Variants in ZNF362 observed in about 807,000 individuals in gnomAD.
The protein encoded by ZNF362 is rotund homolog.
In ZNF362, 11 loss-of-function variants were observed where a neutral mutation model predicts 42.9. The ratio of observed to expected loss-of-function variants is 0.26; its 90% CI spans 0.16 to 0.42. The LOEUF (loss-of-function observed/expected upper bound fraction) is 0.42. ZNF362 is among the 20% of genes least tolerant of loss of function. ZNF362 has a pLI of 1.00. For missense variants in ZNF362, 362 were observed against 576.2 expected, an observed-to-expected ratio of 0.63 and a Z score of 3.81; for synonymous variants, 255 against 257.3, an observed-to-expected ratio of 0.99 and a Z score of 0.09.
In ZNF362 at chr1:33,280,378, C is replaced by A; in HGVS notation, c.604C>A (p.Pro202Thr). The A allele has an allele frequency of 6.2e-7, 1 of 1,613,782 alleles. No individual in the cohort carries two copies. The highest frequency in any genetic ancestry group is 8.5e-7 in the Non-Finnish European group (1 of 1,179,878). Residue 202 changes from proline (P) to threonine (T), a missense_variant, in exon 5 of 9, where the codon CCG becomes ACG. By Grantham distance (38) the Pro-to-Thr change is conservative (BLOSUM62 -1). This residue lies in a region of ZNF362 where 266 missense variants were observed against 365.4 expected (regional missense o/e 0.73). Coordinates refer to ENST00000539719, the MANE Select transcript of ZNF362 (RefSeq NM_152493.3). The surrounding 1 kb of genome is among the most constrained non-coding windows in gnomAD (Gnocchi z 5.6). ...RGRKKIKAEN[P>T]GGPPVLVVPY... is the part of the protein sequence containing the mutation. ...CCGCAAAAAGATCAAGGCGGAGAAC[C>A]CGGGGGGTCCGCCTGTCCTTGTAGT...
At chr1:33,180,512 T>C in the ZNF362 span, among the ~76,000 whole-genome samples, 242 of 152,234 alleles carry the variant, frequency 1.6e-3, no homozygotes, top group African/African-American at 5.4e-3. Flanking sequence ...CTAGCCCCCG[T>C]ACTCCTCTTA....
the ZNF362 span, among the ~76,000 whole-genome samples, chr1:33,172,506 T>C: frequency 6.6e-6 from 1 of 151,710 alleles, no homozygotes; most frequent in Non-Finnish European, 1.5e-5. Flanking sequence ...AGGCCTTGAA[T>C]GTCAGCCTGG....
chr1:33,137,065 A>G, the ZNF362 span, among the ~76,000 whole-genome samples: 1 of 151,884 alleles, frequency 6.6e-6, no homozygotes, highest in African/African-American at 2.4e-5. Flanking sequence ...GTTGGCCAGG[A>G]GACACAGAGC....
rs1645987956 is a variant in ZNF362, at chr1:33,280,837, G to A, written c.683+380G>A. On this transcript the variant is annotated intron_variant, in intron 5 of 8. Coordinates refer to ENST00000539719, the MANE Select transcript of ZNF362 (RefSeq NM_152493.3). The surrounding 1 kb of genome is among the most constrained non-coding windows in gnomAD (Gnocchi z 5.6). The stretch of plus-strand genomic sequence containing the variant: ...TAATCCCAGCGCTTTGGGAGGCCAA[G>A]GCGGGTGGATCACCTGCGGTCAGGA... 1.3e-5 allele frequency among the ~76,000 whole-genome samples: 2 copies of A among 152,198 alleles called. No homozygotes were observed. Among genetic ancestry groups the A allele is most frequent in the African/African-American group, 4.8e-5 (2 of 41,450 alleles).
At chr1:33,212,206 C>A in the ZNF362 span, among the ~76,000 whole-genome samples, 14 of 152,188 alleles carry the variant, frequency 9.2e-5, no homozygotes, top group Non-Finnish European at 1.8e-4. Context: ...TGAGTCAAAG[C>A]TCCCTGAGGC....
At chr1:33,135,896 G>A in the ZNF362 span, among the ~76,000 whole-genome samples, 1 of 152,298 alleles carries the variant, frequency 6.6e-6, no homozygotes, top group East Asian at 1.9e-4. Context: ...AGGGAGTGAG[G>A]GAGTGAAGAG....
At chr1:33,251,133 A>C in the ZNF362 span, among the ~76,000 whole-genome samples, 1 of 152,210 alleles carries the variant, frequency 6.6e-6, no homozygotes, top group African/African-American at 2.4e-5. Context: ...GGGAATCTGG[A>C]GTGGAATGAG....
chr1:33,230,724 G>C, the ZNF362 span, among the ~76,000 whole-genome samples: 254 of 152,356 alleles, frequency 1.7e-3, no homozygotes, highest in Non-Finnish European at 2.9e-3. Context: ...GGAAGCTGCG[G>C]CTGGGCTGCC....
At chr1:33,129,182 C>T in the ZNF362 span, among the ~76,000 whole-genome samples, 6 of 152,186 alleles carry the variant, frequency 3.9e-5, no homozygotes, top group East Asian at 1.9e-4. The surrounding 1 kb of genome is among the most constrained non-coding windows in gnomAD (Gnocchi z 4.1). Context: ...GGGCATATTA[C>T]GAAGAAGTGA....
At chr1:33,221,136 C>T in the ZNF362 span, among the ~76,000 whole-genome samples, 7 of 152,178 alleles carry the variant, frequency 4.6e-5, no homozygotes, top group Non-Finnish European at 8.8e-5. Flanking sequence ...GGGCAAGACC[C>T]GGTGTTTCTC....
the ZNF362 span, among the ~76,000 whole-genome samples, chr1:33,128,530 G>A: frequency 6.6e-6 from 1 of 152,196 alleles, no homozygotes; most frequent in African/African-American, 2.4e-5. Flanking sequence ...AACTAGTGGA[G>A]GCAGATTGGG....
intron 1 of ZNF362, among the ~76,000 whole-genome samples, chr1:33,263,621 G>A (rs994535852): frequency 6.6e-6 from 1 of 152,144 alleles, no homozygotes; most frequent in Non-Finnish European, 1.5e-5. Context: ...ATGTTGGTCA[G>A]GCTGGTCTCA....
At chr1:33,133,295 C>A in the ZNF362 span, among the ~76,000 whole-genome samples, 2 of 152,254 alleles carry the variant, frequency 1.3e-5, no homozygotes, top group Non-Finnish European at 2.9e-5. Flanking sequence ...TCCCTGTCGC[C>A]TCAAGAGAGG....
the ZNF362 span, among the ~76,000 whole-genome samples, chr1:33,158,829 GTTT>G: frequency 6.6e-6 from 1 of 151,444 alleles, no homozygotes; most frequent in Non-Finnish European, 1.5e-5. Flanking sequence ...CAGAGCCTCA[GTTT>G]TTTTCTTTTT....
the ZNF362 span, among the ~76,000 whole-genome samples, chr1:33,168,813 G>C: frequency 6.6e-6 from 1 of 152,152 alleles, no homozygotes; most frequent in African/African-American, 2.4e-5. Flanking sequence ...TGAGGAGATG[G>C]GCCAAGTGCT....
intron 1 of ZNF362, among the ~76,000 whole-genome samples, chr1:33,261,926 T>A (rs1296731901): frequency 6.6e-6 from 1 of 152,186 alleles, no homozygotes; most frequent in Non-Finnish European, 1.5e-5. Flanking sequence ...GACAGTTACT[T>A]CTTCTCTAGT....
chr1:33,130,207 G>A, the ZNF362 span, among the ~76,000 whole-genome samples: 3 of 152,286 alleles, frequency 2.0e-5, no homozygotes, highest in Middle Eastern at 3.4e-3. Context: ...AAGAGGATGC[G>A]GTAGGCAGTC....
chr1:33,188,889 CAG>C, the ZNF362 span, among the ~76,000 whole-genome samples: 1 of 152,198 alleles, frequency 6.6e-6, no homozygotes, highest in Non-Finnish European at 1.5e-5. Context: ...TGAAATGAGA[CAG>C]AGACCCACAT....
At chr1:33,178,792 C>T in the ZNF362 span, among the ~76,000 whole-genome samples, 1 of 152,220 alleles carries the variant, frequency 6.6e-6, no homozygotes, top group Non-Finnish European at 1.5e-5. Context: ...TCCTGTTTTA[C>T]TTTTCACCCA....
Sources: gnomAD v4.1 joint callset for allele counts (sites outside exome capture counted in the v4.1 genomes callset) on GRCh38, gnomAD v4.1.1 for gene constraint, gnomAD v4.1.1 regional missense constraint, Gnocchi (gnomAD v3.1) non-coding constraint, MANE v1.5 for transcripts, NCBI Gene and HGNC (gene_info 2026-07-23, HGNC 2026-07-21) for gene names.